Variants in TEAD2 observed in about 807,000 individuals in gnomAD.
The protein encoded by TEAD2 is TEA domain transcription factor 2.
A neutral mutation model predicts 61.4 loss-of-function variants in TEAD2; 51 were observed. That is an observed-to-expected ratio of 0.83 (90% CI 0.66 to 1.05). The LOEUF (loss-of-function observed/expected upper bound fraction) is 1.05. Ranked by LOEUF, TEAD2 falls within the 50% of genes least tolerant of loss-of-function variation. TEAD2 has a pLI of 0.00. For missense variants in TEAD2, 509 were observed against 600.0 expected (o/e 0.85, Z 1.58); for synonymous variants, 244 against 243.2 (o/e 1.00, Z -0.03).
chr19:49,350,774 A>G (rs537312002), intron 8 of TEAD2, among the ~76,000 whole-genome samples: 19 of 152,236 alleles, frequency 1.2e-4, no homozygotes, highest in African/African-American at 4.3e-4. Context: ...GTGGCTGCAA[A>G]GACCAAAATC....
In TEAD2 at chr19:49,341,477, G is replaced by A; in HGVS notation, c.1243-40C>T. The stretch of plus-strand genomic sequence containing the variant: ...AGGACAAGGGACTTATGCTTAGAAG[G>A]GAGGGCAGGGACCCCTGTGCCCCCC... On this transcript the variant is annotated intron_variant, in intron 12 of 12. Transcript: ENST00000593945. The surrounding 1 kb of genome is among the most constrained non-coding windows in gnomAD (Gnocchi z 4.2). The A allele has an allele frequency of 6.5e-7, 1 of 1,549,878 alleles. No individual in the cohort carries two copies.
intron 10 of TEAD2, 99 bp downstream of exon 10, chr19:49,347,091 G>A (rs938470886): frequency 1.3e-6 from 2 of 1,488,516 alleles, no homozygotes; most frequent in African/African-American, 2.8e-5. Context: ...GTCCCAGGCT[G>A]ACCTGGTAGG....
At chr19:49,342,679 A>T in intron 11 of TEAD2, 89 bp from the exon 12 acceptor site, 1 of 1,507,190 alleles carries the variant, frequency 6.6e-7, no homozygotes, top group Non-Finnish European at 9.1e-7. Flanking sequence ...TGCCTCTAAG[A>T]TGCCACCACA....
At chr19:49,355,068 C>T in intron 7 of TEAD2, 80 bp downstream of exon 7, 2 of 955,322 alleles carry the variant, frequency 2.1e-6, no homozygotes, top group Non-Finnish European at 3.3e-6. Context: ...GACACAGGAG[C>T]TAGAAGGTGG....
intron 8 of TEAD2, chr19:49,349,138 T>G: frequency 3.7e-6 from 1 of 271,474 alleles, no homozygotes; most frequent in South Asian, 7.8e-5. Context: ...TGATATGGTT[T>G]GGATATTTGT....
At chr19:49,347,149 C>A in intron 10 of TEAD2, 41 bp downstream of exon 10, 3 of 1,606,060 alleles carry the variant, frequency 1.9e-6, no homozygotes, top group South Asian at 1.1e-5. Context: ...TGGGACACCA[C>A]AGGATTTGTG....
At position 49,359,784 on chromosome 19, in the gene TEAD2, C is replaced by A; in HGVS notation, c.232+60G>T. The A allele has an allele frequency of 6.5e-7, 1 of 1,543,048 alleles. No homozygotes were observed. The highest frequency in any genetic ancestry group is 8.9e-7 in the Non-Finnish European group (1 of 1,125,982). On this transcript the variant is annotated intron_variant, in intron 2 of 12. Coordinates refer to ENST00000593945, the MANE Select transcript of TEAD2 (RefSeq NM_001256660.2). This position sits in a 1 kb window ranked among gnomAD's most constrained non-coding sequence, Gnocchi z 4.1. Reference sequence around the variant, plus strand: ...CTCCTACTTCAGAGTGCTCCATAAACCTTGGTTACTGTCATTATTCATCAG... The same window carrying A: ...CTCCTACTTCAGAGTGCTCCATAAAACTTGGTTACTGTCATTATTCATCAG...
At chr19:49,348,588 C>A (rs1240996069) in intron 9 of TEAD2, 115 bp downstream of exon 9, 1 of 961,856 alleles carries the variant, frequency 1.0e-6, no homozygotes, top group Middle Eastern at 2.3e-4. Context: ...TTTAAGAAGC[C>A]CTTCAGATGA....
chr19:49,359,841 C>T lies in TEAD2; in HGVS notation c.232+3G>A. 3 of 1,613,188 alleles carry T rather than the reference C, an allele frequency of 1.9e-6. No homozygotes were observed. The highest frequency in any genetic ancestry group is 2.5e-6 in the Non-Finnish European group (3 of 1,179,854). ...CCAGGGCAAAAGACAGAAGTAGACT[C>T]ACCATACATCTTGCCTTCATCAGAC... is the stretch of plus-strand genomic sequence containing the variant. On this transcript the variant is annotated splice_donor_region_variant and intron_variant, in intron 2 of 12. Coordinates refer to ENST00000593945, the MANE Select transcript of TEAD2 (RefSeq NM_001256660.2). This position sits in a 1 kb window ranked among gnomAD's most constrained non-coding sequence, Gnocchi z 4.1.
At chr19:49,356,378 CAAAAAAAAAA>C (rs35611766) in intron 4 of TEAD2, 1 of 68,776 alleles carries the variant, frequency 1.5e-5, no homozygotes, top group African/African-American at 4.9e-5. Context: ...CTGCTGGATA[CAAAAAAAAAA>C]AAAAAAAAAA....
intron 10 of TEAD2, among the ~76,000 whole-genome samples, chr19:49,343,747 A>T (rs1037572304): frequency 6.6e-6 from 1 of 151,396 alleles, no homozygotes; most frequent in Non-Finnish European, 1.5e-5. Flanking sequence ...TTAAAAAAAA[A>T]AAAAACACAG....
intron 7 of TEAD2, among the ~76,000 whole-genome samples, chr19:49,352,401 TG>T (rs1474615571): frequency 6.6e-6 from 1 of 152,164 alleles, no homozygotes; most frequent in Non-Finnish European, 1.5e-5. Flanking sequence ...GAGATAGTGG[TG>T]AAGAGACTTA....
intron 9 of TEAD2, 120 bp from the exon 10 acceptor site, chr19:49,347,483 C>T: frequency 8.5e-7 from 1 of 1,176,460 alleles, no homozygotes; most frequent in Admixed American, 2.2e-5. Context: ...TCCACACAGT[C>T]CACCCAGCAC....
intron 10 of TEAD2, among the ~76,000 whole-genome samples, chr19:49,346,787 C>G (rs927012896): frequency 6.6e-6 from 1 of 152,172 alleles, no homozygotes; most frequent in Admixed American, 6.5e-5. Flanking sequence ...AGCATCAGTC[C>G]CCTCTTTAGA....
chr19:49,349,934 C>A (rs1260921588), intron 8 of TEAD2, among the ~76,000 whole-genome samples: 1 of 151,802 alleles, frequency 6.6e-6, no homozygotes, highest in South Asian at 2.1e-4. Context: ...TTGCTAAGCC[C>A]ACACGGGAAC....
intron 8 of TEAD2, 143 bp from the exon 9 acceptor site, chr19:49,348,988 C>T: frequency 9.0e-7 from 1 of 1,110,888 alleles, no homozygotes; most frequent in Non-Finnish European, 1.2e-6. Flanking sequence ...TAGAAGTGGC[C>T]ATGTGACACA....
At chr19:49,352,138 A>G (rs1972067109) in intron 7 of TEAD2, among the ~76,000 whole-genome samples, 2 of 151,958 alleles carry the variant, frequency 1.3e-5, no homozygotes, top group African/African-American at 4.8e-5. Context: ...CAGGAGGCCA[A>G]AGTCGGGGTG....
At chr19:49,360,438 G>T in intron 1 of TEAD2, 2 of 311,140 alleles carry the variant, frequency 6.4e-6, no homozygotes, top group South Asian at 1.5e-4. Flanking sequence ...GGGAGGAGAA[G>T]GAGCTGGATT....
At chr19:49,354,476 C>T (rs1314139085) in intron 7 of TEAD2, among the ~76,000 whole-genome samples, 1 of 150,908 alleles carries the variant, frequency 6.6e-6, no homozygotes, top group Non-Finnish European at 1.5e-5. Flanking sequence ...CGCACCCCAG[C>T]TTAGGCAACA....
Sources: allele counts gnomAD v4.1 joint callset (sites outside exome capture counted in the v4.1 genomes callset), GRCh38; gene constraint gnomAD v4.1.1; non-coding constraint Gnocchi (gnomAD v3.1); transcripts MANE v1.5; gene names NCBI Gene and HGNC (gene_info 2026-07-23, HGNC 2026-07-21).